SLC24A2: variants seen among roughly 807,000 people sequenced by gnomAD.
The protein encoded by SLC24A2 is solute carrier family 24 member 2.
Under a neutral mutation model 62.0 loss-of-function variants are expected in SLC24A2, and 36 were observed. The ratio of observed to expected loss-of-function variants is 0.58; its 90% CI spans 0.44 to 0.77. The LOEUF is 0.77. Ranked by LOEUF, SLC24A2 falls within the 30% of genes least tolerant of loss-of-function variation. SLC24A2 has a pLI of 0.00. For synonymous variants in SLC24A2, 358 were observed against 294.0 expected (o/e 1.22, Z -2.23); for missense variants, 846 against 817.9 (o/e 1.03, Z -0.42).
At chr9:20,235,291 G>A in the SLC24A2 span, among the ~76,000 whole-genome samples, 415 of 152,366 alleles carry the variant, frequency 2.7e-3, 1 homozygote, top group African/African-American at 9.5e-3. Flanking sequence ...GGTTACTGCT[G>A]TCTTTTTGTT....
the SLC24A2 span, among the ~76,000 whole-genome samples, chr9:19,932,807 C>T: frequency 6.6e-6 from 1 of 152,114 alleles, no homozygotes; most frequent in African/African-American, 2.4e-5. Flanking sequence ...CTGGGACAAG[C>T]GTACAAAGGG....
chr9:19,755,262 T>A (rs1359030536), intron 2 of SLC24A2, among the ~76,000 whole-genome samples: 1 of 152,170 alleles, frequency 6.6e-6, no homozygotes, highest in African/African-American at 2.4e-5. Flanking sequence ...AGGAATTCAA[T>A]ACATGTTAGT....
the SLC24A2 span, among the ~76,000 whole-genome samples, chr9:19,986,253 T>C: frequency 6.6e-6 from 1 of 152,114 alleles, no homozygotes; most frequent in Non-Finnish European, 1.5e-5. Context: ...AGGCTAGCTA[T>C]AATCAAAAAC....
At chr9:20,223,209 G>A in the SLC24A2 span, among the ~76,000 whole-genome samples, 6 of 152,048 alleles carry the variant, frequency 3.9e-5, no homozygotes, top group African/African-American at 1.2e-4. Context: ...ATAACTTTAT[G>A]GAAGAAGCTT....
At chr9:19,771,782 A>G (rs1353906417) in intron 2 of SLC24A2, among the ~76,000 whole-genome samples, 1 of 152,236 alleles carries the variant, frequency 6.6e-6, no homozygotes, top group Non-Finnish European at 1.5e-5. Context: ...TGTCCATGCT[A>G]GACAAGGACA....
intron 2 of SLC24A2, among the ~76,000 whole-genome samples, chr9:19,753,818 A>G (rs1260143735): frequency 6.6e-6 from 1 of 152,134 alleles, no homozygotes; most frequent in Non-Finnish European, 1.5e-5. Flanking sequence ...GGACAGGGAG[A>G]GCACAGCAGT....
At chr9:20,201,758 GA>G in the SLC24A2 span, among the ~76,000 whole-genome samples, 1 of 152,080 alleles carries the variant, frequency 6.6e-6, no homozygotes, top group African/African-American at 2.4e-5. Context: ...AGAGAGAGGA[GA>G]AAAGTAACAT....
chr9:19,785,794 A>G lies in SLC24A2; in HGVS notation c.930+143T>C. ...ATTTTTTCCACTGCTATGTTAGTCT[A>G]GCTATCACAGAACTGCAGAATCAAT... On this transcript the variant is annotated intron_variant, in intron 2 of 10. Transcript: ENST00000341998. 2.8e-6 allele frequency: 3 copies of G among 1,053,638 alleles called. No individual in the cohort carries two copies. In the South Asian group the frequency reaches 4.2e-5, roughly 15 times the overall value. 65.3% of individuals were successfully genotyped at this position (1,053,638 alleles called of 1,614,324 possible). A position where few individuals can be genotyped will look rare whatever the true frequency, so the allele number is the denominator to read the frequency against.
the SLC24A2 span, among the ~76,000 whole-genome samples, chr9:19,881,212 T>G: frequency 3.3e-5 from 5 of 152,250 alleles, no homozygotes; most frequent in African/African-American, 9.6e-5. Flanking sequence ...GTTCAAAGAC[T>G]GAGACCCGAG....
At chr9:19,657,433 G>C (rs896949038) in intron 2 of SLC24A2, among the ~76,000 whole-genome samples, 1 of 151,944 alleles carries the variant, frequency 6.6e-6, no homozygotes, top group African/African-American at 2.4e-5. Flanking sequence ...GAACGTGCAG[G>C]TTTGTTACAT....
At position 19,788,965 on chromosome 9, in the gene SLC24A2, C is replaced by A; in HGVS notation, c.-234G>T. The A allele has an allele frequency of 8.1e-6, 8 of 984,806 alleles. No homozygotes were observed. Among genetic ancestry groups the A allele is most frequent in the Non-Finnish European group, 9.6e-6 (8 of 829,366 alleles). The allele number at this position is 984,806 out of a possible 1,614,324, so 61.0% of individuals were successfully genotyped here. On this transcript the variant is annotated 5_prime_UTR_variant, in exon 1 of 11. Coordinates refer to ENST00000341998, the MANE Select transcript of SLC24A2 (RefSeq NM_020344.4). ...TCCAGTCCGCCGGCCCTCCGCCTAC[C>A]CGCTCTGAGGCCCGGGCTCTGGCTC...
chr9:19,788,743 C>T, intron 1 of SLC24A2, 142 bp downstream of exon 1: 2 of 985,432 alleles, frequency 2.0e-6, no homozygotes, highest in Non-Finnish European at 2.4e-6. Context: ...TGGCTAACTC[C>T]TAGCGGGGCC....
At chr9:20,045,569 T>G in the SLC24A2 span, among the ~76,000 whole-genome samples, 1 of 152,154 alleles carries the variant, frequency 6.6e-6, no homozygotes, top group African/African-American at 2.4e-5. Flanking sequence ...GTAGCTAGGA[T>G]TACAGGCGCC....
chr9:19,903,738 T>G, the SLC24A2 span, among the ~76,000 whole-genome samples: 20 of 152,088 alleles, frequency 1.3e-4, no homozygotes, highest in African/African-American at 4.8e-4. Flanking sequence ...GCGTTAAGTC[T>G]GAAGGAGTCC....
At chr9:20,161,597 T>C in the SLC24A2 span, among the ~76,000 whole-genome samples, 2 of 151,400 alleles carry the variant, frequency 1.3e-5, no homozygotes, top group Non-Finnish European at 3.0e-5. Context: ...TATAATTCCC[T>C]ATAATAAGTC....
chr9:19,577,207 A>T (rs907036007), intron 5 of SLC24A2, among the ~76,000 whole-genome samples, 185 bp from the exon 6 acceptor site: 18 of 152,134 alleles, frequency 1.2e-4, no homozygotes, highest in African/African-American at 4.1e-4. Context: ...TTTCAGCCCA[A>T]TTCTCTATTT....
At chr9:19,614,844 G>C (rs566207520) in intron 4 of SLC24A2, among the ~76,000 whole-genome samples, 95 of 152,040 alleles carry the variant, frequency 6.2e-4, no homozygotes, top group Admixed American at 9.8e-4. Flanking sequence ...GCTTGAGTGA[G>C]GTCCTTTCAG....
At chr9:19,562,229 G>T (rs1316961824) in intron 7 of SLC24A2, among the ~76,000 whole-genome samples, 2 of 152,098 alleles carry the variant, frequency 1.3e-5, no homozygotes, top group African/African-American at 4.8e-5. Flanking sequence ...AAGCTAACTG[G>T]AGAAACATAA....
chr9:20,071,255 G>C, the SLC24A2 span, among the ~76,000 whole-genome samples: 1 of 152,112 alleles, frequency 6.6e-6, no homozygotes, highest in East Asian at 1.9e-4. Flanking sequence ...GTGTGGGATG[G>C]AATAATGGAG....
Sources: gnomAD v4.1 joint callset for allele counts (sites outside exome capture counted in the v4.1 genomes callset) on GRCh38, gnomAD v4.1.1 for gene constraint, MANE v1.5 for transcripts, NCBI Gene and HGNC (gene_info 2026-07-23, HGNC 2026-07-21) for gene names.